Variants in SPINT2 observed in about 807,000 individuals in gnomAD.
SPINT2 encodes the protein kunitz-type protease inhibitor 2.
In SPINT2, 18 loss-of-function variants were observed where a neutral mutation model predicts 30.1. The observed-to-expected ratio is 0.60, with a 90% CI of 0.41 to 0.89. SPINT2 has a LOEUF of 0.89. SPINT2 is among the 40% of genes least tolerant of loss of function. The probability of loss-of-function intolerance (pLI) is 0.00; values close to 1 mark genes in which losing one functional copy is unlikely to be tolerated. For synonymous variants in SPINT2, 139 were observed against 137.9 expected, an observed-to-expected ratio of 1.01 and a Z score of -0.05; for missense variants, 276 against 334.3, an observed-to-expected ratio of 0.83 and a Z score of 1.36.
At chr19:38,289,285 A>C in intron 4 of SPINT2, 94 bp downstream of exon 4, 7 of 1,064,756 alleles carry the variant, frequency 6.6e-6, no homozygotes, top group Non-Finnish European at 8.7e-6. Context: ...TCAGGATATC[A>C]AGACCATCCT....
rs776367740 is a variant in SPINT2, at chr19:38,283,657, G to C, written c.137G>C (p.Arg46Thr). 5.0e-6 allele frequency: 8 copies of C among 1,613,974 alleles called. No individual in the cohort carries two copies. The South Asian group carries it at 8.8e-5, about 18-fold the overall frequency. The change falls in exon 2 of 7, where the codon AGA (arginine) becomes ACA (threonine). Residue 46 changes from arginine to threonine, a missense_variant. Physicochemically the swap from Arg to Thr is moderately conservative, Grantham distance 71 (BLOSUM62 -1). Transcript: ENST00000301244. ...TGCCTGGTGTCGAAGGTGGTGGGCAGATGCCGGGCCTCCATGCCTAGGTGG... is the reference window on the plus strand; with the variant it reads ...TGCCTGGTGTCGAAGGTGGTGGGCACATGCCGGGCCTCCATGCCTAGGTGG... ...DFCLVSKVVG[R>T]CRASMPRWWY...
chr19:38,288,017 C>T (rs369894354), intron 3 of SPINT2, 82 bp downstream of exon 3: 48 of 1,497,702 alleles, frequency 3.2e-5, no homozygotes, highest in East Asian at 2.9e-4. Context: ...TGGGAACTGT[C>T]ACAGGCTTCC....
chr19:38,265,786 C>G (rs184877960), intron 1 of SPINT2: 2 of 152,466 alleles, frequency 1.3e-5, no homozygotes, highest in Admixed American at 6.5e-5. Flanking sequence ...TTCATTGATT[C>G]AGCAAAACTT....
At chr19:38,269,738 G>GTAC (rs1382021421) in intron 1 of SPINT2, among the ~76,000 whole-genome samples, 1 of 151,534 alleles carries the variant, frequency 6.6e-6, no homozygotes, top group Non-Finnish European at 1.5e-5. Context: ...AGCCTCCCGA[G>GTAC]TACTGGGACT....
intron 1 of SPINT2, among the ~76,000 whole-genome samples, chr19:38,282,781 T>TC (rs2146274262): frequency 6.6e-6 from 1 of 152,314 alleles, no homozygotes; most frequent in Admixed American, 6.5e-5. Context: ...TTAAGAAGCT[T>TC]CCTTCTGAGG....
At chr19:38,286,640 G>A (rs1283664882) in intron 2 of SPINT2, among the ~76,000 whole-genome samples, 7 of 152,064 alleles carry the variant, frequency 4.6e-5, no homozygotes, top group Non-Finnish European at 1.0e-4. Flanking sequence ...AAAATTAGCC[G>A]GGCCTGGTGG....
intron 2 of SPINT2, among the ~76,000 whole-genome samples, chr19:38,284,963 G>T (rs1292916583): frequency 6.6e-6 from 1 of 152,080 alleles, no homozygotes; most frequent in African/African-American, 2.4e-5. Context: ...TGATCTGCCT[G>T]CCTTAACCTC....
intron 6 of SPINT2, chr19:38,291,380 A>G: frequency 5.9e-6 from 1 of 168,648 alleles, no homozygotes; most frequent in East Asian, 1.7e-4. Context: ...TTCATCCCGC[A>G]GTAGCTCTCA....
Position 38,292,241 on chromosome 19 carries a change from T to G in SPINT2, c.*235T>G, listed in dbSNP as rs1600354791. The stretch of plus-strand genomic sequence containing the variant: ...CAGCCCCGAGTTGTTTCCTCGCTGA[T>G]CGATTTCTTTCCTCCAGGTAGAGTT... On this transcript the variant is annotated 3_prime_UTR_variant, in exon 7 of 7. Coordinates refer to ENST00000301244, the MANE Select transcript of SPINT2 (RefSeq NM_021102.4). The G allele has an allele frequency of 3.1e-5, 16 of 515,924 alleles. No individual in the cohort carries two copies. The East Asian group carries it at 5.3e-4, about 17-fold the overall frequency. 32.0% of individuals were successfully genotyped at this position (515,924 alleles called of 1,614,324 possible).
rs74258635 is a variant in SPINT2 at position 38,287,022 on chromosome 19, G to C, written c.278-854G>C. 6.7e-3 allele frequency among the ~76,000 whole-genome samples: 1,019 copies of C among 152,204 alleles called. 33 individuals carry two copies. The highest frequency in any genetic ancestry group is 0.05 in the Admixed American group (757 of 15,250). On this transcript the variant is annotated intron_variant, in intron 2 of 6. Transcript: ENST00000301244. ...GGAAGTCACTGTGTTTTGATTGTTT[G>C]TTTCTTTCTTTGAGACGGAGTTTCA...
rs578044679 is a variant in SPINT2 at position 38,289,279 on chromosome 19, G to A, written c.391+88G>A. 44 of 1,138,328 alleles carry A rather than the reference G, an allele frequency of 3.9e-5. 1 individual carries two copies. The Middle Eastern group carries it at 6.1e-4, about 16-fold the overall frequency. 70.5% of individuals were successfully genotyped at this position (1,138,328 alleles called of 1,614,324 possible). On this transcript the variant is annotated intron_variant, in intron 4 of 6. Transcript: ENST00000301244. ...TGAGGTGGGCGGATCACGAGGTCAGGATATCAAGACCATCCTAACATGGTG... is the reference window on the plus strand; with the variant it reads ...TGAGGTGGGCGGATCACGAGGTCAGAATATCAAGACCATCCTAACATGGTG...
intron 1 of SPINT2, among the ~76,000 whole-genome samples, chr19:38,275,732 A>AC (rs1968509641): frequency 7.9e-6 from 1 of 127,292 alleles, no homozygotes; most frequent in African/African-American, 3.0e-5. Flanking sequence ...TTGACAAAAA[A>AC]ATTTTTTTTT....
intron 1 of SPINT2, among the ~76,000 whole-genome samples, chr19:38,267,776 G>A (rs1175827354): frequency 6.6e-6 from 1 of 152,152 alleles, no homozygotes; most frequent in African/African-American, 2.4e-5. Flanking sequence ...CAGGCCCGGA[G>A]CTAAAGTTGG....
chr19:38,292,056 G>T lies in SPINT2; in HGVS notation c.*50G>T. On this transcript the variant is annotated 3_prime_UTR_variant, in exon 7 of 7. Coordinates refer to ENST00000301244, the MANE Select transcript of SPINT2 (RefSeq NM_021102.4). ...GGAAGGGAGGGGAGACTATGTGTGA[G>T]CTTTTTTTAAATAGAGGGATTGACT... 1 of 1,604,526 alleles carries T rather than the reference G, an allele frequency of 6.2e-7. No homozygotes were observed. The highest frequency in any genetic ancestry group is 8.5e-7 in the Non-Finnish European group (1 of 1,175,752).
chr19:38,276,825 A>G (rs776517025), intron 1 of SPINT2, among the ~76,000 whole-genome samples: 6 of 151,606 alleles, frequency 4.0e-5, no homozygotes, highest in South Asian at 2.1e-4. Context: ...TTGGAGAACA[A>G]AGTCTCGCTT....
Position 38,284,090 on chromosome 19 carries a change from C to T in SPINT2, c.277+293C>T, listed in dbSNP as rs571571307. 3.3e-5 allele frequency among the ~76,000 whole-genome samples: 5 copies of T among 152,172 alleles called. No homozygotes were observed. In the South Asian group the frequency reaches 8.3e-4, roughly 25 times the overall value. On this transcript the variant is annotated intron_variant, in intron 2 of 6. Coordinates refer to ENST00000301244, the MANE Select transcript of SPINT2 (RefSeq NM_021102.4). ...TCTCCTGATCTTGTGATCTGCCTGC[C>T]TCAGCCTCCCAAAGTGCTGGGATTA...
chr19:38,274,140 G>A (rs1380043045), intron 1 of SPINT2, among the ~76,000 whole-genome samples: 2 of 151,958 alleles, frequency 1.3e-5, no homozygotes, highest in Admixed American at 6.6e-5. Context: ...TGAGGTGGGT[G>A]GGTCACTGAG....
At chr19:38,266,134 A>C (rs1968375466) in intron 1 of SPINT2, among the ~76,000 whole-genome samples, 1 of 152,160 alleles carries the variant, frequency 6.6e-6, no homozygotes, top group African/African-American at 2.4e-5. Context: ...TAGAGTACAA[A>C]GGCCTTGAAG....
Position 38,289,203 on chromosome 19 carries a change from A to G in SPINT2, c.391+12A>G, listed in dbSNP as rs1968680551. ...GTTCAACTATGAAGGTAAAACTCCA[A>G]AGAGGCCAGGTGCGGTGGCTCACAC... On this transcript the variant is annotated intron_variant, in intron 4 of 6. Transcript: ENST00000301244. 2 of 1,613,202 alleles carry G rather than the reference A, an allele frequency of 1.2e-6. No individual in the cohort carries two copies. Among genetic ancestry groups the G allele is most frequent in the Non-Finnish European group, 1.7e-6 (2 of 1,179,418 alleles).
Sources: gnomAD v4.1 joint callset for allele counts (sites outside exome capture counted in the v4.1 genomes callset) on GRCh38, gnomAD v4.1.1 for gene constraint, MANE v1.5 for transcripts, NCBI Gene and HGNC (gene_info 2026-07-23, HGNC 2026-07-21) for gene names.